CDYL2: variants seen among roughly 807,000 people sequenced by gnomAD.
The protein encoded by CDYL2 is chromodomain Y-like protein 2.
A neutral mutation model predicts 49.4 loss-of-function variants in CDYL2; 23 were observed. The ratio of observed to expected loss-of-function variants is 0.47; its 90% CI spans 0.34 to 0.66. The LOEUF (loss-of-function observed/expected upper bound fraction) is 0.66, where lower values mean the gene tolerates loss of function less well. Ranked by LOEUF, CDYL2 falls within the 30% of genes least tolerant of loss-of-function variation. CDYL2 has a pLI of 0.01. For synonymous variants in CDYL2, 360 were observed against 268.8 expected, an observed-to-expected ratio of 1.34 and a Z score of -3.32; for missense variants, 678 against 656.4, an observed-to-expected ratio of 1.03 and a Z score of -0.36.
At chr16:80,606,196 T>G (rs1016382835) in intron 6 of CDYL2, among the ~76,000 whole-genome samples, 3 of 152,248 alleles carry the variant, frequency 2.0e-5, no homozygotes, top group Admixed American at 1.3e-4. Context: ...CAGACCCAGC[T>G]GGCTCTTTCC....
At chr16:80,668,129 A>G (rs8053410) in intron 2 of CDYL2, among the ~76,000 whole-genome samples, 25 of 152,390 alleles carry the variant, frequency 1.6e-4, no homozygotes, top group African/African-American at 5.8e-4. Flanking sequence ...GCCATCACAG[A>G]GGAACAGTTA....
intron 2 of CDYL2, among the ~76,000 whole-genome samples, chr16:80,654,675 C>T (rs1005337101): frequency 6.6e-6 from 1 of 152,166 alleles, no homozygotes; most frequent in East Asian, 1.9e-4. Context: ...CCAGAAAACG[C>T]TCCACCAAAC....
intron 2 of CDYL2, among the ~76,000 whole-genome samples, chr16:80,660,987 G>A (rs1170596432): frequency 6.6e-6 from 1 of 152,166 alleles, no homozygotes; most frequent in Non-Finnish European, 1.5e-5. Flanking sequence ...GGAAGTGGAG[G>A]GCTGGGGTTG....
chr16:80,625,215 G>C (rs192890468), intron 3 of CDYL2, among the ~76,000 whole-genome samples: 1 of 152,314 alleles, frequency 6.6e-6, no homozygotes, highest in Admixed American at 6.5e-5. Context: ...TTCCTTTGTG[G>C]AGGCGCTAAG....
intron 1 of CDYL2, among the ~76,000 whole-genome samples, chr16:80,707,439 C>G (rs573064622): frequency 6.6e-6 from 1 of 151,988 alleles, no homozygotes; most frequent in African/African-American, 2.4e-5. Context: ...CCAGCCTAGG[C>G]GACAGAGAGA....
At chr16:80,738,071 T>C (rs896642034) in intron 1 of CDYL2, among the ~76,000 whole-genome samples, 13 of 145,522 alleles carry the variant, frequency 8.9e-5, no homozygotes, top group African/African-American at 3.3e-4. Context: ...CCTGTGTCCA[T>C]GTGTTCTCAC....
chr16:80,652,665 G>C (rs996002933), intron 2 of CDYL2, among the ~76,000 whole-genome samples: 1 of 152,174 alleles, frequency 6.6e-6, no homozygotes, highest in Non-Finnish European at 1.5e-5. Flanking sequence ...CAGCCAGGTG[G>C]TCACAGTCAA....
intron 3 of CDYL2, chr16:80,632,734 C>A (rs1277944334): frequency 2.6e-6 from 1 of 379,508 alleles, no homozygotes; most frequent in Non-Finnish European, 4.9e-6. Flanking sequence ...TGTTTGGATT[C>A]TGGGTCTGCC....
chr16:80,606,458 C>T (rs1906338471), intron 6 of CDYL2, among the ~76,000 whole-genome samples: 2 of 152,284 alleles, frequency 1.3e-5, no homozygotes, highest in Admixed American at 6.5e-5. Context: ...GGCCAGTCTC[C>T]CACCCTCCTT....
rs556290741 is a variant in CDYL2 at position 80,754,968 on chromosome 16, A to AGTTCC, written c.24+49181_24+49182insGGAAC. Among the ~76,000 whole-genome samples the AGTTCC allele has an allele frequency of 3.7e-3, 560 of 152,242 alleles. 4 individuals are homozygous for AGTTCC. Among genetic ancestry groups the AGTTCC allele is most frequent in the African/African-American group, 0.013 (527 of 41,534 alleles). ...ATATCATTAGGATTTCACTTCTGGA[A>AGTTCC]CTTGGGCAGTCACCCACCAACAAAG... On this transcript the variant is annotated intron_variant, in intron 1 of 6. Transcript: ENST00000570137.
chr16:80,711,577 T>A (rs1904597300), intron 1 of CDYL2, among the ~76,000 whole-genome samples: 1 of 152,266 alleles, frequency 6.6e-6, no homozygotes, highest in Admixed American at 6.5e-5. Flanking sequence ...CTGACAGCTC[T>A]GATTTTTAAT....
At chr16:80,692,565 T>C (rs1024229998) in intron 1 of CDYL2, among the ~76,000 whole-genome samples, 4 of 152,244 alleles carry the variant, frequency 2.6e-5, no homozygotes, top group Admixed American at 6.5e-5. Flanking sequence ...GGATTAATGC[T>C]ATACAATGAT....
At chr16:80,696,838 C>T (rs1910631585) in intron 1 of CDYL2, among the ~76,000 whole-genome samples, 1 of 152,014 alleles carries the variant, frequency 6.6e-6, no homozygotes, top group African/African-American at 2.4e-5. Context: ...TTCCAAAAAT[C>T]TGAAGAGGAG....
chr16:80,758,794 T>G (rs937983112), intron 1 of CDYL2, among the ~76,000 whole-genome samples: 179 of 151,852 alleles, frequency 1.2e-3, no homozygotes, highest in Non-Finnish European at 7.1e-4. Flanking sequence ...CGCCCGCCTC[T>G]GCCTCCCAAA....
chr16:80,787,724 G>C (rs1907482746), intron 1 of CDYL2, among the ~76,000 whole-genome samples: 1 of 152,132 alleles, frequency 6.6e-6, no homozygotes, highest in African/African-American at 2.4e-5. Flanking sequence ...TTTACTGCCT[G>C]TCATCAGGTG....
intron 1 of CDYL2, among the ~76,000 whole-genome samples, chr16:80,694,853 G>T (rs1392131698): frequency 6.6e-6 from 1 of 152,132 alleles, no homozygotes; most frequent in African/African-American, 2.4e-5. Context: ...GTGCTAAAAG[G>T]TATGAAAGTG....
chr16:80,781,185 G>C (rs868496960), intron 1 of CDYL2, among the ~76,000 whole-genome samples: 4 of 152,124 alleles, frequency 2.6e-5, no homozygotes, highest in Admixed American at 6.5e-5. Flanking sequence ...CCAAAGAAAA[G>C]AACATGCTAG....
At chr16:80,712,226 A>ATATATAT in intron 1 of CDYL2, among the ~76,000 whole-genome samples, 1 of 68,158 alleles carries the variant, frequency 1.5e-5, no homozygotes, top group Non-Finnish European at 4.3e-5. Context: ...TCTCCAAACC[A>ATATATAT]CTGCTCACTG....
At chr16:80,660,138 T>C (rs986947325) in intron 2 of CDYL2, among the ~76,000 whole-genome samples, 11 of 152,074 alleles carry the variant, frequency 7.2e-5, no homozygotes, top group Non-Finnish European at 1.0e-4. Flanking sequence ...TCAGGTGTTC[T>C]AACACCAAGA....
Sources: allele counts gnomAD v4.1 joint callset (sites outside exome capture counted in the v4.1 genomes callset), GRCh38; gene constraint gnomAD v4.1.1; transcripts MANE v1.5; gene names NCBI Gene and HGNC (gene_info 2026-07-23, HGNC 2026-07-21).